Variants in ZFHX3 observed in about 807,000 individuals in gnomAD.
ZFHX3 encodes zinc finger homeobox protein 3.
In ZFHX3, 42 loss-of-function variants were observed where a neutral mutation model predicts 279.1. The observed-to-expected ratio is 0.15, with a 90% CI of 0.12 to 0.19. ZFHX3 has a LOEUF of 0.19. Among genes scored for constraint, ZFHX3 ranks in the 10% least tolerant of loss-of-function variants. The pLI is 1.00. For synonymous variants in ZFHX3, 2,293 were observed against 1,957.8 expected (o/e 1.17, Z -4.52); for missense variants, 4,981 against 4,754.0 (o/e 1.05, Z -1.40).
intron 1 of ZFHX3, among the ~76,000 whole-genome samples, chr16:73,688,392 A>G (rs143661751): frequency 6.6e-6 from 1 of 150,890 alleles, no homozygotes; most frequent in Non-Finnish European, 1.5e-5. Flanking sequence ...CTTGAAATTT[A>G]ATCCCCATGC....
chr16:72,892,608 A>G (rs2144090020), intron 3 of ZFHX3, among the ~76,000 whole-genome samples: 1 of 152,064 alleles, frequency 6.6e-6, no homozygotes, highest in Admixed American at 6.5e-5. Context: ...CCTGGATTCA[A>G]GCAATTCTCC....
intron 5 of ZFHX3, among the ~76,000 whole-genome samples, chr16:73,181,577 G>A (rs1967797083): frequency 6.6e-6 from 1 of 152,078 alleles, no homozygotes; most frequent in South Asian, 2.1e-4. Flanking sequence ...GTAGTCTCGG[G>A]GTTAAATTTT....
intron 5 of ZFHX3, among the ~76,000 whole-genome samples, chr16:73,212,136 A>T (rs746070334): frequency 9.3e-5 from 14 of 150,962 alleles, no homozygotes; most frequent in Non-Finnish European, 1.9e-4. Context: ...TATTTTAAAA[A>T]GTACAGAGAA....
At chr16:73,561,017 A>G (rs1382385575) in intron 2 of ZFHX3, among the ~76,000 whole-genome samples, 1 of 152,266 alleles carries the variant, frequency 6.6e-6, no homozygotes, top group Non-Finnish European at 1.5e-5. Flanking sequence ...GAAGTATTAT[A>G]TAAAGAAATA....
chr16:73,801,784 G>A (rs1458005640), intron 1 of ZFHX3, among the ~76,000 whole-genome samples: 2 of 152,194 alleles, frequency 1.3e-5, no homozygotes, highest in East Asian at 3.9e-4. Flanking sequence ...GGTCATTGCT[G>A]TGTCTACAGT....
chr16:73,599,965 T>C (rs554157592), intron 2 of ZFHX3, among the ~76,000 whole-genome samples: 29 of 152,326 alleles, frequency 1.9e-4, no homozygotes, highest in Middle Eastern at 3.4e-3. Flanking sequence ...ATGATGGTGA[T>C]GGCTCTTGTC....
intron 1 of ZFHX3, among the ~76,000 whole-genome samples, chr16:73,021,576 A>C (rs1964298078): frequency 6.6e-6 from 1 of 152,094 alleles, no homozygotes; most frequent in South Asian, 2.1e-4. Context: ...CACACCTATA[A>C]TACCATCACT....
chr16:73,643,695 G>A (rs1445500356), intron 2 of ZFHX3, among the ~76,000 whole-genome samples: 1 of 152,176 alleles, frequency 6.6e-6, no homozygotes, highest in Non-Finnish European at 1.5e-5. Flanking sequence ...CTAAAGTTGA[G>A]GGAGTGTTTC....
At chr16:73,773,051 G>T (rs328360) in intron 1 of ZFHX3, among the ~76,000 whole-genome samples, 115,721 of 152,118 alleles carry the variant, frequency 0.76, 45,086 homozygotes, top group African/African-American at 0.93. Context: ...ATCAGTGCAG[G>T]GGCTGTTAGC....
chr16:73,487,207 T>C (rs766239581), intron 2 of ZFHX3, among the ~76,000 whole-genome samples: 1 of 152,200 alleles, frequency 6.6e-6, no homozygotes, highest in African/African-American at 2.4e-5. Flanking sequence ...TGGAGGTTCA[T>C]AAAAAATTAA....
intron 1 of ZFHX3, among the ~76,000 whole-genome samples, chr16:72,967,760 C>CAAA (rs1201182514): frequency 6.6e-4 from 54 of 81,628 alleles, no homozygotes; most frequent in African/African-American, 2.1e-3. Flanking sequence ...ACTAAAAATA[C>CAAA]AAAAAAAAAA....
intron 3 of ZFHX3, chr16:73,402,051 G>C (rs1012696130): frequency 6.6e-6 from 1 of 152,208 alleles, no homozygotes; most frequent in Non-Finnish European, 1.5e-5. Flanking sequence ...AAAGGAACAT[G>C]ACAGATTTGT....
intron 1 of ZFHX3, among the ~76,000 whole-genome samples, chr16:73,789,079 A>T (rs1319548867): frequency 6.6e-6 from 1 of 150,796 alleles, no homozygotes; most frequent in Non-Finnish European, 1.5e-5. Flanking sequence ...TATATATCTT[A>T]TAAATAGACA....
chr16:72,788,954 CT>C (rs2035584991), intron 9 of ZFHX3, 106 bp from the exon 10 acceptor site: 2 of 1,453,342 alleles, frequency 1.4e-6, no homozygotes, highest in Middle Eastern at 4.2e-4. Context: ...GATGTCAAGG[CT>C]TGAAGGATCC....
intron 3 of ZFHX3, among the ~76,000 whole-genome samples, chr16:73,358,171 C>A (rs1307839275): frequency 6.6e-6 from 1 of 152,224 alleles, no homozygotes; most frequent in Non-Finnish European, 1.5e-5. Context: ...CTAGGCAGCT[C>A]CGGAAATGGC....
At chr16:73,689,889 C>A (rs755994340) in intron 1 of ZFHX3, among the ~76,000 whole-genome samples, 1 of 151,102 alleles carries the variant, frequency 6.6e-6, no homozygotes, top group African/African-American at 2.4e-5. Context: ...CAGTGGTGCA[C>A]GCTCACTGCA....
chr16:73,367,634 G>C (rs997070548), intron 3 of ZFHX3, among the ~76,000 whole-genome samples: 2 of 152,112 alleles, frequency 1.3e-5, no homozygotes, highest in Non-Finnish European at 2.9e-5. Context: ...AGAATGAAAG[G>C]GACTTAAGGA....
intron 2 of ZFHX3, among the ~76,000 whole-genome samples, chr16:73,610,456 G>A (rs2052233901): frequency 1.3e-5 from 2 of 152,110 alleles, no homozygotes; most frequent in Non-Finnish European, 2.9e-5. Context: ...TTCCCCCTCT[G>A]CTTCATACAT....
At chr16:72,939,268 C>T (rs915784754) in intron 3 of ZFHX3, among the ~76,000 whole-genome samples, 9 of 152,150 alleles carry the variant, frequency 5.9e-5, no homozygotes, top group Admixed American at 5.2e-4. Context: ...GCACAGAGTA[C>T]CCTCCACAGA....
Sources: gnomAD v4.1 joint callset for allele counts (sites outside exome capture counted in the v4.1 genomes callset) on GRCh38, gnomAD v4.1.1 for gene constraint, MANE v1.5 for transcripts, NCBI Gene and HGNC (gene_info 2026-07-23, HGNC 2026-07-21) for gene names.